PRR16: variants seen among roughly 807,000 people sequenced by gnomAD.
PRR16 encodes the protein protein Largen.
PRR16 carries 6 observed loss-of-function variants against 18.2 expected under a neutral mutation model. The observed-to-expected ratio is 0.33, with a 90% CI of 0.18 to 0.65. The LOEUF is 0.65. Ranked by LOEUF, PRR16 falls within the 30% of genes least tolerant of loss-of-function variation. PRR16 has a pLI of 0.74. For missense variants in PRR16, 412 were observed against 376.6 expected, an observed-to-expected ratio of 1.09 and a Z score of -0.78; for synonymous variants, 151 against 147.8, an observed-to-expected ratio of 1.02 and a Z score of -0.16.
intron 1 of PRR16, among the ~76,000 whole-genome samples, chr5:120,674,864 ATTT>A (rs763450440): frequency 1.3e-5 from 2 of 151,524 alleles, no homozygotes; most frequent in African/African-American, 2.4e-5. Context: ...CTAAGATTTT[ATTT>A]TTATTTTTAA....
At chr5:120,628,768 A>G (rs924527768) in intron 1 of PRR16, among the ~76,000 whole-genome samples, 2 of 151,548 alleles carry the variant, frequency 1.3e-5, no homozygotes, top group Admixed American at 6.6e-5. Flanking sequence ...TGTCTTTCCC[A>G]TCTAACAGTA....
At chr5:120,632,451 T>C (rs1755088737) in intron 1 of PRR16, among the ~76,000 whole-genome samples, 1 of 150,850 alleles carries the variant, frequency 6.6e-6, no homozygotes, top group Admixed American at 6.6e-5. Flanking sequence ...CAGAGAAAGG[T>C]GAAGTCAAAT....
chr5:120,608,374 G>A (rs2045186), intron 1 of PRR16, among the ~76,000 whole-genome samples: 1 of 152,164 alleles, frequency 6.6e-6, no homozygotes, highest in African/African-American at 2.4e-5. Context: ...CTCTTCCTAT[G>A]TAGGAATGTT....
chr5:120,564,719 G>A (rs1752681072), intron 1 of PRR16, among the ~76,000 whole-genome samples: 1 of 152,144 alleles, frequency 6.6e-6, no homozygotes, highest in Non-Finnish European at 1.5e-5. Context: ...GGGCATGGTG[G>A]CTCACGCCTG....
the PRR16 span, among the ~76,000 whole-genome samples, chr5:120,705,876 G>T: frequency 1.3e-5 from 2 of 152,196 alleles, no homozygotes; most frequent in Non-Finnish European, 2.9e-5. Flanking sequence ...TAACACAAGA[G>T]ACCCTAAAAA....
chr5:120,703,677 C>A, the PRR16 span, among the ~76,000 whole-genome samples: 14 of 152,172 alleles, frequency 9.2e-5, no homozygotes, highest in African/African-American at 2.2e-4. Flanking sequence ...TTGTTCCTTG[C>A]AATGTTTGAA....
intron 1 of PRR16, among the ~76,000 whole-genome samples, chr5:120,663,255 A>G (rs1205955903): frequency 1.3e-5 from 2 of 151,920 alleles, no homozygotes; most frequent in African/African-American, 4.8e-5. Context: ...ACAGTGAATT[A>G]TGCCTTCTTA....
chr5:120,581,142 G>A (rs1275208204), intron 1 of PRR16, among the ~76,000 whole-genome samples: 2 of 152,068 alleles, frequency 1.3e-5, no homozygotes, highest in Non-Finnish European at 2.9e-5. Context: ...CTGTAAATCC[G>A]TCTGGTCAGG....
chr5:120,741,401 A>G, the PRR16 span, among the ~76,000 whole-genome samples: 1 of 152,124 alleles, frequency 6.6e-6, no homozygotes, highest in African/African-American at 2.4e-5. Context: ...AACCATATCT[A>G]TCATCTATAA....
At chr5:120,504,641 G>A (rs981955050) in intron 1 of PRR16, among the ~76,000 whole-genome samples, 1 of 152,114 alleles carries the variant, frequency 6.6e-6, no homozygotes, top group East Asian at 1.9e-4. Flanking sequence ...AAAATGATGT[G>A]GTCAGAAGAG....
the PRR16 span, among the ~76,000 whole-genome samples, chr5:120,745,021 G>T: frequency 6.6e-6 from 1 of 152,114 alleles, no homozygotes; most frequent in African/African-American, 2.4e-5. Context: ...TTAGAGTCTT[G>T]GTATTTATCA....
intron 1 of PRR16, among the ~76,000 whole-genome samples, chr5:120,508,984 T>A (rs1054487093): frequency 4.6e-5 from 7 of 152,056 alleles, no homozygotes; most frequent in East Asian, 1.9e-4. Flanking sequence ...GTAAAGATAA[T>A]TTGCTTAGTC....
At chr5:120,503,626 C>A (rs1336462328) in intron 1 of PRR16, among the ~76,000 whole-genome samples, 1 of 152,052 alleles carries the variant, frequency 6.6e-6, no homozygotes, top group African/African-American at 2.4e-5. Flanking sequence ...AATAATCCAG[C>A]TGTTGGAGGC....
At chr5:120,665,998 G>C (rs1174249268) in intron 1 of PRR16, among the ~76,000 whole-genome samples, 1 of 152,116 alleles carries the variant, frequency 6.6e-6, no homozygotes, top group Admixed American at 6.5e-5. Flanking sequence ...TGTGAAGAAA[G>C]TCATTGGTAG....
intron 1 of PRR16, among the ~76,000 whole-genome samples, chr5:120,650,627 C>T (rs910958021): frequency 2.0e-5 from 3 of 152,128 alleles, no homozygotes; most frequent in South Asian, 2.1e-4. Flanking sequence ...TGATTTCCAG[C>T]TTCATCCATG....
intron 1 of PRR16, among the ~76,000 whole-genome samples, chr5:120,475,217 A>G (rs888251381): frequency 2.0e-5 from 3 of 152,152 alleles, no homozygotes; most frequent in Non-Finnish European, 4.4e-5. Context: ...TGAACTCCTG[A>G]TATTTCCCCC....
chr5:120,660,528 A>G (rs1344904404), intron 1 of PRR16, among the ~76,000 whole-genome samples: 1 of 152,122 alleles, frequency 6.6e-6, no homozygotes, highest in East Asian at 1.9e-4. Flanking sequence ...TTACAACAGA[A>G]AATAATATAA....
chr5:120,510,943 G>C (rs1161191104), intron 1 of PRR16, among the ~76,000 whole-genome samples: 1 of 152,112 alleles, frequency 6.6e-6, no homozygotes, highest in Non-Finnish European at 1.5e-5. Context: ...ATATGATGTG[G>C]ATGAGAGTAC....
intron 1 of PRR16, among the ~76,000 whole-genome samples, chr5:120,614,372 T>G (rs530637948): frequency 3.3e-5 from 5 of 152,342 alleles, no homozygotes; most frequent in Admixed American, 3.3e-4. Flanking sequence ...GCCAAAAATG[T>G]AAATGCACAT....
Sources: allele counts gnomAD v4.1 joint callset (sites outside exome capture counted in the v4.1 genomes callset), GRCh38; gene constraint gnomAD v4.1.1; transcripts MANE v1.5; gene names NCBI Gene and HGNC (gene_info 2026-07-23, HGNC 2026-07-21).